NOTCH2: variants seen among roughly 807,000 people sequenced by gnomAD.
The protein encoded by NOTCH2 is notch receptor 2, also known as neurogenic locus notch homolog protein 2.
Under a neutral mutation model 235.8 loss-of-function variants are expected in NOTCH2, and 29 were observed. That is an observed-to-expected ratio of 0.12 (90% CI 0.09 to 0.17). NOTCH2 has a LOEUF of 0.17. Ranked by LOEUF, NOTCH2 falls within the 10% of genes least tolerant of loss-of-function variation. The pLI is 1.00. For synonymous variants in NOTCH2, 1,086 were observed against 1,141.5 expected (o/e 0.95, Z 0.98); for missense variants, 2,285 against 3,150.2 (o/e 0.73, Z 6.57).
chr1:119,935,639 G>C (rs782370343), intron 21 of NOTCH2, 35 bp from the exon 22 acceptor site: 2 of 1,611,906 alleles, frequency 1.2e-6, no homozygotes, highest in Admixed American at 3.3e-5. Context: ...AAGAAATATT[G>C]GACCATTACT....
At chr1:120,047,826 G>A (rs368564339) in intron 1 of NOTCH2, among the ~76,000 whole-genome samples, 20,643 of 123,924 alleles carry the variant, frequency 0.17, 1,617 homozygotes, top group Non-Finnish European at 0.24. Context: ...GTGCAATGGC[G>A]TGATCTCAGC....
Position 119,953,651 on chromosome 1 carries a change from T to C in NOTCH2, c.2257A>G (p.Asn753Asp), listed in dbSNP as rs1366740759. 6 of 1,614,194 alleles carry C rather than the reference T, an allele frequency of 3.7e-6. No homozygotes were observed. The highest frequency in any genetic ancestry group is 5.1e-6 in the Non-Finnish European group (6 of 1,180,028). Residue 753 changes from asparagine to aspartate, a missense_variant, in exon 14 of 34, where the codon AAC (asparagine) becomes GAC (aspartate). This residue lies in a region of NOTCH2 where 1,173 missense variants were observed against 1,515.3 expected (regional missense o/e 0.77). Transcript: ENST00000256646. ...CLCDAGWVGI[N>D]CEVDKNECLS... ...CATTCATTTTTGTCCACTTCACAGT[T>C]GATGCCAACCCAGCCTGCATCACAG...
rs587595062 is a variant in NOTCH2 at position 119,967,531 on chromosome 1, C to A, written c.1355G>T (p.Arg452Leu). ...CECLKGYAGPRCEMDINECHS... is the reference protein window; with the variant it reads ...CECLKGYAGPLCEMDINECHS... ...GCACTCATTGATGTCCATCTCACAA[C>A]GAGGTCCTGCATAACCCTTCAGACA... Residue 452 changes from arginine to leucine, a missense_variant, in exon 8 of 34, where the codon CGT becomes CTT. Coordinates refer to ENST00000256646, the MANE Select transcript of NOTCH2 (RefSeq NM_024408.4). 1 of 1,614,074 alleles carries A rather than the reference C, an allele frequency of 6.2e-7. No homozygotes were observed. The highest frequency in any genetic ancestry group is 2.2e-5 in the East Asian group (1 of 44,872).
intron 2 of NOTCH2, among the ~76,000 whole-genome samples, chr1:120,010,813 G>C (rs2725909): frequency 9.2e-5 from 14 of 152,166 alleles, no homozygotes; most frequent in East Asian, 3.9e-4. Flanking sequence ...CATATGCCCA[G>C]ATAATAAAAA....
In NOTCH2 at chr1:119,915,992, G is replaced by C. The variant is rs2101143253; in HGVS notation, c.6730C>G (p.Leu2244Val). The change falls in exon 34 of 34, where the codon CTC becomes GTC. Residue 2244 changes from leucine to valine, a missense_variant. Coordinates refer to ENST00000256646, the MANE Select transcript of NOTCH2 (RefSeq NM_024408.4). ...GSGSAGSLSR[L>V]HPVPVPADWM... is the part of the protein sequence containing the mutation. ...TCTGCTGGGACTGGGACTGGATGGA[G>C]CCTACTCAAGCTTCCAGCACTGCCA... The C allele has an allele frequency of 6.2e-7, 1 of 1,613,888 alleles. No individual in the cohort carries two copies. The highest frequency in any genetic ancestry group is 8.5e-7 in the Non-Finnish European group (1 of 1,180,024).
chr1:120,015,398 AAACT>A (rs1653401995), intron 2 of NOTCH2, among the ~76,000 whole-genome samples: 1 of 151,574 alleles, frequency 6.6e-6, no homozygotes, highest in South Asian at 2.1e-4. Flanking sequence ...GCAGGGGAAA[AAACT>A]AACAAAACCC....
At chr1:119,966,250 T>C in intron 9 of NOTCH2, 126 bp downstream of exon 9, 2 of 762,022 alleles carry the variant, frequency 2.6e-6, no homozygotes, top group Non-Finnish European at 4.8e-6. Flanking sequence ...CACACTCCTA[T>C]CACCAAGCAC....
At chr1:119,923,042 A>C (rs1334267500) in intron 26 of NOTCH2, among the ~76,000 whole-genome samples, 3 of 152,242 alleles carry the variant, frequency 2.0e-5, no homozygotes. Flanking sequence ...GAGGCAATGC[A>C]TGACAAAGTG....
At chr1:119,933,548 A>T (rs1553195414) in intron 22 of NOTCH2, among the ~76,000 whole-genome samples, 1 of 152,254 alleles carries the variant, frequency 6.6e-6, no homozygotes, top group Non-Finnish European at 1.5e-5. Context: ...AATGTATCAC[A>T]TATAAGGGAA....
intron 2 of NOTCH2, among the ~76,000 whole-genome samples, chr1:120,029,387 G>T (rs1654005469): frequency 6.6e-6 from 1 of 151,778 alleles, no homozygotes; most frequent in Non-Finnish European, 1.5e-5. Flanking sequence ...GTCTTGCTCT[G>T]TCACCCAGGC....
Position 119,913,650 on chromosome 1 carries a change from G to A in NOTCH2, c.*1656C>T. The A allele has an allele frequency of 4.3e-6, 1 of 233,260 alleles. No homozygotes were observed. The highest frequency in any genetic ancestry group is 8.5e-6 in the Non-Finnish European group (1 of 118,036). The allele number at this position is 233,260 out of a possible 1,614,324, so 14.4% of individuals were successfully genotyped here. ...AAGAAAGTCAAAGAAATTGCCAAGA[G>A]CATGAATACAGAGAGTGGATTCAGG... On this transcript the variant is annotated 3_prime_UTR_variant, in exon 34 of 34. Coordinates refer to ENST00000256646, the MANE Select transcript of NOTCH2 (RefSeq NM_024408.4).
chr1:119,972,715 A>G (rs1651415178), intron 5 of NOTCH2, among the ~76,000 whole-genome samples: 1 of 152,216 alleles, frequency 6.6e-6, no homozygotes, highest in African/African-American at 2.4e-5. Flanking sequence ...TGTCTCATTT[A>G]TATCTGAGGA....
Position 119,922,278 on chromosome 1 carries a change from T to C in NOTCH2, c.5171A>G (p.His1724Arg). Reference sequence around the variant, plus strand: ...CTGTCCCACTGGCTCACGACGCTTGTGATTGCTTGCATCTCGGCGAAGAGT... The same window carrying C: ...CTGTCCCACTGGCTCACGACGCTTGCGATTGCTTGCATCTCGGCGAAGAGT... Reference protein sequence around the residue: ...GFTLRRDASNHKRREPVGQDA... With the variant: ...GFTLRRDASNRKRREPVGQDA... The change falls in exon 28 of 34, where the codon CAC (histidine) becomes CGC (arginine). Residue 1724 changes from histidine (H) to arginine (R), a missense_variant. Physicochemically the swap from His to Arg is conservative, Grantham distance 29. This residue lies in a region of NOTCH2 where 1,173 missense variants were observed against 1,515.3 expected (regional missense o/e 0.77). Transcript: ENST00000256646. 1 of 1,614,124 alleles carries C rather than the reference T, an allele frequency of 6.2e-7. No individual in the cohort carries two copies. The highest frequency in any genetic ancestry group is 1.1e-5 in the South Asian group (1 of 91,086).
intron 28 of NOTCH2, 64 bp downstream of exon 28, chr1:119,922,172 G>A: frequency 2.0e-6 from 3 of 1,506,898 alleles, no homozygotes; most frequent in Non-Finnish European, 2.8e-6. Flanking sequence ...GATTCAACAA[G>A]ATATGCTTTT....
At chr1:120,066,687 AGCCTACAGGAGAG>A (rs1362926528) in intron 1 of NOTCH2, among the ~76,000 whole-genome samples, 2 of 151,752 alleles carry the variant, frequency 1.3e-5, no homozygotes, top group Non-Finnish European at 1.5e-5. Context: ...ATGTCATAGA[AGCCTACAGGAGAG>A]GCAGTAGGGT....
chr1:119,942,492 A>T (rs1650096683), intron 17 of NOTCH2, among the ~76,000 whole-genome samples: 1 of 152,260 alleles, frequency 6.6e-6, no homozygotes. Flanking sequence ...CCTTTATTTT[A>T]TTAGCGAAAC....
chr1:119,968,899 T>G (rs1553200023), intron 6 of NOTCH2, among the ~76,000 whole-genome samples: 1 of 152,250 alleles, frequency 6.6e-6, no homozygotes, highest in African/African-American at 2.4e-5. Flanking sequence ...TGGAAAGGCC[T>G]CCATGAAAGA....
intron 4 of NOTCH2, chr1:119,996,607 T>A: frequency 2.5e-6 from 2 of 815,680 alleles, no homozygotes; most frequent in Non-Finnish European, 4.4e-6. Context: ...GATCACCTAC[T>A]GTTAATGTCA....
intron 15 of NOTCH2, 35 bp downstream of exon 15, chr1:119,950,689 C>A (rs1366544917): frequency 1.5e-6 from 2 of 1,332,232 alleles, no homozygotes; most frequent in Non-Finnish European, 2.2e-6. Context: ...GGTCAAGTAT[C>A]CCCTCTGGTC....
Sources: gnomAD v4.1 joint callset for allele counts (sites outside exome capture counted in the v4.1 genomes callset) on GRCh38, gnomAD v4.1.1 for gene constraint, gnomAD v4.1.1 regional missense constraint, MANE v1.5 for transcripts, NCBI Gene and HGNC (gene_info 2026-07-23, HGNC 2026-07-21) for gene names.